Variants in COBLL1 observed in about 807,000 individuals in gnomAD.
COBLL1 encodes cordon-bleu WH2 repeat protein like 1, also known as cordon-bleu protein-like 1.
COBLL1 carries 50 observed loss-of-function variants against 94.8 expected under a neutral mutation model. That is an observed-to-expected ratio of 0.53 (90% CI 0.42 to 0.67). The LOEUF is 0.67. Ranked by LOEUF, COBLL1 falls within the 30% of genes least tolerant of loss-of-function variation. The pLI, the probability that COBLL1 is intolerant of heterozygous loss-of-function variation, is 0.00. For synonymous variants in COBLL1, 448 were observed against 473.8 expected (o/e 0.95, Z 0.71); for missense variants, 1,362 against 1,348.7 (o/e 1.01, Z -0.15).
chr2:164,672,470 G>A (rs1436492868), intron 1 of COBLL1, among the ~76,000 whole-genome samples: 3 of 151,348 alleles, frequency 2.0e-5, no homozygotes, highest in South Asian at 2.1e-4. Flanking sequence ...AGGCCGAGGC[G>A]GGTGGATCAT....
intron 13 of COBLL1, chr2:164,687,269 G>A (rs1683348125): frequency 1.8e-6 from 1 of 544,212 alleles, no homozygotes; most frequent in South Asian, 2.5e-5. Context: ...AAGAGGGGAA[G>A]CACAGTGAAA....
Position 164,730,108 on chromosome 2 carries a change from T to C in COBLL1, c.238A>G (p.Met80Val), listed in dbSNP as rs1172376943. Residue 80 changes from methionine (M) to valine (V), a missense_variant, in exon 4 of 14, where the codon ATG (methionine) becomes GTG (valine). Coordinates refer to ENST00000652658, the MANE Select transcript of COBLL1 (RefSeq NM_001365672.2). The part of the protein sequence containing the change: ...KSTTVHGSKP[M>V]MDLLIFLCAQ... ...CAAAGGAATATCAACAAGTCCATCA[T>C]AGGTTTACTGTAAAACAAGAGTATT... 4 of 1,612,696 alleles carry C rather than the reference T, an allele frequency of 2.5e-6. No individual in the cohort carries two copies. The highest frequency in any genetic ancestry group is 2.7e-5 in the African/African-American group (2 of 74,898).
chr2:164,748,651 C>T (rs1310073535), intron 2 of COBLL1, among the ~76,000 whole-genome samples: 1 of 152,038 alleles, frequency 6.6e-6, no homozygotes, highest in Non-Finnish European at 1.5e-5. Context: ...TTTTCTTCAC[C>T]GGTGGCCTTG....
intron 2 of COBLL1, among the ~76,000 whole-genome samples, chr2:164,836,936 C>G (rs1683343621): frequency 6.6e-6 from 1 of 152,152 alleles, no homozygotes; most frequent in Non-Finnish European, 1.5e-5. Flanking sequence ...TGAAAGTATC[C>G]CAGATGACTC....
chr2:164,796,347 A>C (rs1325510614), intron 2 of COBLL1, among the ~76,000 whole-genome samples: 1 of 152,188 alleles, frequency 6.6e-6, no homozygotes, highest in Non-Finnish European at 1.5e-5. Flanking sequence ...GTGAGAATGG[A>C]CATAACTAAG....
chr2:164,778,619 C>T (rs1688586694), intron 2 of COBLL1, among the ~76,000 whole-genome samples: 2 of 152,088 alleles, frequency 1.3e-5, no homozygotes, highest in Admixed American at 1.3e-4. Flanking sequence ...ACTTTCCAAG[C>T]AAAGCCTTGT....
At chr2:164,839,488 C>CA (rs1229210498) in intron 2 of COBLL1, among the ~76,000 whole-genome samples, 1 of 152,142 alleles carries the variant, frequency 6.6e-6, no homozygotes, top group African/African-American at 2.4e-5. Flanking sequence ...TGCTTGCCAG[C>CA]AAAAAGTGTT....
chr2:164,706,623 A>C (rs1207852546), intron 7 of COBLL1, among the ~76,000 whole-genome samples: 1 of 152,262 alleles, frequency 6.6e-6, no homozygotes, highest in East Asian at 1.9e-4. Flanking sequence ...TCCCTGTCTT[A>C]GTAAAGAACA....
chr2:164,722,118 G>A lies in COBLL1; in HGVS notation c.953C>T (p.Ala318Val), dbSNP rs1574470874. Residue 318 changes from alanine to valine, a missense_variant, in exon 7 of 14, where the codon GCT (alanine) becomes GTT (valine). Transcript: ENST00000652658. ...GCTCATGGATTTCACTATACAAGAA[G>A]CAGGCCTCTCCTGGATGTGTGCAAG... ...QDLAHIQERP[A>V]SCIVKSMSVD... is the part of the protein sequence containing the mutation. The A allele has an allele frequency of 3.1e-6, 5 of 1,613,068 alleles. No homozygotes were observed. The highest frequency in any genetic ancestry group is 4.2e-6 in the Non-Finnish European group (5 of 1,179,508).
chr2:164,785,646 AG>A (rs1688919933), intron 2 of COBLL1, among the ~76,000 whole-genome samples: 1 of 152,198 alleles, frequency 6.6e-6, no homozygotes, highest in Non-Finnish European at 1.5e-5. Context: ...AAGTTCCAAA[AG>A]TGAGAGACAA....
At chr2:164,766,868 C>G (rs1200950839) in intron 2 of COBLL1, among the ~76,000 whole-genome samples, 2 of 152,162 alleles carry the variant, frequency 1.3e-5, no homozygotes, top group East Asian at 3.8e-4. Flanking sequence ...CTATATTACA[C>G]AAAACACAGC....
At chr2:164,837,053 G>C (rs1683348444) in intron 2 of COBLL1, among the ~76,000 whole-genome samples, 1 of 152,160 alleles carries the variant, frequency 6.6e-6, no homozygotes, top group African/African-American at 2.4e-5. Context: ...AAAAGCTTAA[G>C]AAAGCAGCTG....
chr2:164,744,191 T>C (rs141199315), intron 2 of COBLL1, among the ~76,000 whole-genome samples: 75 of 152,282 alleles, frequency 4.9e-4, no homozygotes, highest in Non-Finnish European at 9.4e-4. Context: ...GGAAAATGTA[T>C]TTTCTTTGAT....
chr2:164,704,865 G>C, intron 8 of COBLL1, 87 bp downstream of exon 8: 2 of 1,309,576 alleles, frequency 1.5e-6, no homozygotes, highest in South Asian at 3.2e-5. Context: ...TATTTAAAAA[G>C]CATAACTTAC....
At chr2:164,770,534 C>A (rs550044139) in intron 2 of COBLL1, among the ~76,000 whole-genome samples, 2 of 152,070 alleles carry the variant, frequency 1.3e-5, no homozygotes, top group African/African-American at 4.8e-5. Context: ...ATGTTTTCAT[C>A]TGCCTAGTTT....
chr2:164,813,751 T>C (rs574611484), intron 2 of COBLL1, among the ~76,000 whole-genome samples: 90 of 152,284 alleles, frequency 5.9e-4, no homozygotes, highest in African/African-American at 1.9e-3. Flanking sequence ...GAAAACTGTT[T>C]GTAGTCAAGC....
intron 2 of COBLL1, among the ~76,000 whole-genome samples, chr2:164,768,389 T>C (rs1260378923): frequency 6.6e-6 from 1 of 151,572 alleles, no homozygotes; most frequent in East Asian, 1.9e-4. Context: ...CAACACAAAT[T>C]CGTAAACTTT....
At chr2:164,696,534 A>G (rs1683954070) in intron 11 of COBLL1, 1 of 152,080 alleles carries the variant, frequency 6.6e-6, no homozygotes, top group Non-Finnish European at 1.5e-5. Context: ...AATGGTTTTG[A>G]TTTTTCTCTG....
rs779417669 is a variant in COBLL1 at position 164,728,023 on chromosome 2, T to G, written c.607A>C (p.Lys203Gln). The change falls in exon 5 of 14, where the codon AAA (lysine) becomes CAA (glutamine). Residue 203 changes from lysine (K) to glutamine (Q), a missense_variant. Transcript: ENST00000652658. Reference protein sequence around the residue: ...YQSQEPLDLTKSLNDLGLREL... With the variant: ...YQSQEPLDLTQSLNDLGLREL... ...CTTAGTCCCAGGTCATTAAGAGATTTTGTCAAGTCAAGAGGCTCCTGCGAT... is the reference window on the plus strand; with the variant it reads ...CTTAGTCCCAGGTCATTAAGAGATTGTGTCAAGTCAAGAGGCTCCTGCGAT... 1 of 1,613,732 alleles carries G rather than the reference T, an allele frequency of 6.2e-7. No homozygotes were observed. Among genetic ancestry groups the G allele is most frequent in the Non-Finnish European group, 8.5e-7 (1 of 1,179,680 alleles).
Sources: gnomAD v4.1 joint callset for allele counts (sites outside exome capture counted in the v4.1 genomes callset) on GRCh38, gnomAD v4.1.1 for gene constraint, MANE v1.5 for transcripts, NCBI Gene and HGNC (gene_info 2026-07-23, HGNC 2026-07-21) for gene names.